The following PRKCG variants were observed in gnomAD, a reference collection of about 807,000 sequenced individuals.
PRKCG encodes protein kinase C gamma type.
Under a neutral mutation model 82.0 loss-of-function variants are expected in PRKCG, and 28 were observed. The ratio of observed to expected loss-of-function variants is 0.34; its 90% CI spans 0.25 to 0.47. The LOEUF (loss-of-function observed/expected upper bound fraction) is 0.47. Among genes scored for constraint, PRKCG ranks in the 20% least tolerant of loss-of-function variants. The pLI, the probability that PRKCG is intolerant of heterozygous loss-of-function variation, is 1.00. For missense variants in PRKCG, 640 were observed against 952.7 expected (o/e 0.67, Z 4.32); for synonymous variants, 383 against 376.6 (o/e 1.02, Z -0.20).
chr19:53,906,937 C>T lies in PRKCG; in HGVS notation c.*42C>T, dbSNP rs1378758473. 1 of 1,612,072 alleles carries T rather than the reference C, an allele frequency of 6.2e-7. No homozygotes were observed. The highest frequency in any genetic ancestry group is 2.2e-5 in the East Asian group (1 of 44,810). Reference sequence around the variant, plus strand: ...TAGGTGTCCCCAACGTCCCCTCCGCCGTGCCGGCGGCAGCCCCACTTCACC... The same window carrying T: ...TAGGTGTCCCCAACGTCCCCTCCGCTGTGCCGGCGGCAGCCCCACTTCACC... On this transcript the variant is annotated 3_prime_UTR_variant, in exon 18 of 18. Coordinates refer to ENST00000263431, the MANE Select transcript of PRKCG (RefSeq NM_002739.5).
At position 53,884,167 on chromosome 19, in the gene PRKCG, G is replaced by C; in HGVS notation, c.209G>C (p.Ser70Thr). The C allele has an allele frequency of 1.2e-6, 2 of 1,614,146 alleles. No individual in the cohort carries two copies. The highest frequency in any genetic ancestry group is 1.7e-6 in the Non-Finnish European group (2 of 1,180,036). ...GKQGLQCQVC[S>T]FVVHRRCHEF... Reference sequence around the variant, plus strand: ...CTATGATTTTCATCTATAGTCTGCAGCTTTGTGGTTCATCGACGATGCCAC... The same window carrying C: ...CTATGATTTTCATCTATAGTCTGCACCTTTGTGGTTCATCGACGATGCCAC... The change falls in exon 3 of 18, where the codon AGC (serine) becomes ACC (threonine). Residue 70 changes from serine (S) to threonine (T), a missense_variant. This residue lies in a region of PRKCG where 50 missense variants were observed against 146.5 expected (regional missense o/e 0.34). Coordinates refer to ENST00000263431, the MANE Select transcript of PRKCG (RefSeq NM_002739.5). The surrounding 1 kb of genome is among the most constrained non-coding windows in gnomAD (Gnocchi z 4.6).
upstream of PRKCG, chr19:53,881,782 C>G (rs1287759498): frequency 6.5e-6 from 1 of 152,928 alleles, no homozygotes; most frequent in Non-Finnish European, 1.5e-5. Flanking sequence ...AGGCAGAGAG[C>G]TACACAAATA....
chr19:53,904,747 G>T lies in PRKCG; in HGVS notation c.1764+5G>T. The T allele has an allele frequency of 6.2e-7, 1 of 1,608,608 alleles. No individual in the cohort carries two copies. Among genetic ancestry groups the T allele is most frequent in the Non-Finnish European group, 8.5e-7 (1 of 1,176,152 alleles). Reference sequence around the variant, plus strand: ...GCCGTGGCCATCTGCAAGGGGGTGAGAGCCCCCTGACTCCCAGCTTCTCCA... The same window carrying T: ...GCCGTGGCCATCTGCAAGGGGGTGATAGCCCCCTGACTCCCAGCTTCTCCA... On this transcript the variant is annotated splice_donor_5th_base_variant and intron_variant, in intron 16 of 17. Coordinates refer to ENST00000263431, the MANE Select transcript of PRKCG (RefSeq NM_002739.5).
chr19:53,897,877 G>C, intron 9 of PRKCG, 82 bp from the exon 10 acceptor site: 1 of 1,585,180 alleles, frequency 6.3e-7, no homozygotes, highest in Non-Finnish European at 8.6e-7. Flanking sequence ...TTCCTTTCTT[G>C]GGTGCTGTGT....
Position 53,882,453 on chromosome 19 carries a change from C to G in PRKCG, c.-42C>G, listed in dbSNP as rs2068599610. 6.3e-7 allele frequency: 1 copy of G among 1,592,120 alleles called. No homozygotes were observed. Reference sequence around the variant, plus strand: ...TCCTCTCCCTTCCACCTGTTTCCCCCAAGAAAGGCAGGATCCTGGTCCCTG... The same window carrying G: ...TCCTCTCCCTTCCACCTGTTTCCCCGAAGAAAGGCAGGATCCTGGTCCCTG... On this transcript the variant is annotated 5_prime_UTR_variant, in exon 1 of 18. Transcript: ENST00000263431. This position sits in a 1 kb window ranked among gnomAD's most constrained non-coding sequence, Gnocchi z 6.1.
chr19:53,900,513 A>G lies in PRKCG; in HGVS notation c.1436+32A>G, dbSNP rs749287461. The G allele has an allele frequency of 9.3e-6, 15 of 1,614,052 alleles. No homozygotes were observed. The highest frequency in any genetic ancestry group is 1.7e-5 in the Admixed American group (1 of 60,008). ...AGCCCCAGGAATTTCCGTGGAGGAA[A>G]TCACGCCCCTGGAAGGGAAGGGATT... On this transcript the variant is annotated intron_variant, in intron 13 of 17. Transcript: ENST00000263431. This position sits in a 1 kb window ranked among gnomAD's most constrained non-coding sequence, Gnocchi z 4.2.
intron 9 of PRKCG, among the ~76,000 whole-genome samples, chr19:53,895,356 G>A (rs1021310966): frequency 4.0e-5 from 6 of 151,786 alleles, no homozygotes; most frequent in African/African-American, 1.5e-4. Flanking sequence ...GGGCATGGTG[G>A]AGGCGCCTGT....
At chr19:53,899,347 A>G (rs1366087434) in intron 11 of PRKCG, among the ~76,000 whole-genome samples, 6 of 152,186 alleles carry the variant, frequency 3.9e-5, no homozygotes, top group African/African-American at 1.4e-4. Flanking sequence ...AAAGGGGCAC[A>G]GTGGAGGAGG....
rs769623822 is a variant in PRKCG at position 53,892,969 on chromosome 19, G to A, written c.822-19G>A. 4 of 1,612,186 alleles carry A rather than the reference G, an allele frequency of 2.5e-6. No individual in the cohort carries two copies. In the East Asian group the frequency reaches 8.9e-5, roughly 36 times the overall value. ...GCCCCATCCCCGCTGCCCGCCTCTG[G>A]TCTCCGTCTGTATGTCAGGTACAAG... On this transcript the variant is annotated intron_variant, in intron 7 of 17. Transcript: ENST00000263431. This position sits in a 1 kb window ranked among gnomAD's most constrained non-coding sequence, Gnocchi z 5.9.
rs1402658945 is a variant in PRKCG at position 53,884,850 on chromosome 19, TC to T, written c.285+610del. On this transcript the variant is annotated intron_variant, in intron 3 of 17. Coordinates refer to ENST00000263431, the MANE Select transcript of PRKCG (RefSeq NM_002739.5). This position sits in a 1 kb window ranked among gnomAD's most constrained non-coding sequence, Gnocchi z 4.6. ...GATGCTGAGAGGAGACCCAGGGAAG[TC>T]CCACAGTACACTTGCACACATGTGC... Among the ~76,000 whole-genome samples, 1 of 152,116 alleles carries T rather than the reference TC, an allele frequency of 6.6e-6. No homozygotes were observed. Among genetic ancestry groups the T allele is most frequent in the East Asian group, 1.9e-4 (1 of 5,192 alleles).
At chr19:53,901,849 CAAAAAAA>C (rs752402468) in intron 14 of PRKCG, among the ~76,000 whole-genome samples, 2 of 69,086 alleles carry the variant, frequency 2.9e-5, no homozygotes, top group South Asian at 5.3e-4. Context: ...GACCCTGTCT[CAAAAAAA>C]AAAAAAAAAA....
chr19:53,904,447 G>A (rs1009974492), intron 15 of PRKCG, among the ~76,000 whole-genome samples, 188 bp from the exon 16 acceptor site: 7 of 146,944 alleles, frequency 4.8e-5, no homozygotes, highest in Non-Finnish European at 8.9e-5. Flanking sequence ...TAGGAAATGA[G>A]AGAACCTGAG....
Position 53,906,958 on chromosome 19 carries a change from T to G in PRKCG, c.*63T>G. On this transcript the variant is annotated 3_prime_UTR_variant, in exon 18 of 18. Coordinates refer to ENST00000263431, the MANE Select transcript of PRKCG (RefSeq NM_002739.5). ...CCGCCGTGCCGGCGGCAGCCCCACTTCACCCCCAACTTCACCACCCCCTGT... is the reference window on the plus strand; with the variant it reads ...CCGCCGTGCCGGCGGCAGCCCCACTGCACCCCCAACTTCACCACCCCCTGT... 6.2e-7 allele frequency: 1 copy of G among 1,604,780 alleles called. No homozygotes were observed. Among genetic ancestry groups the G allele is most frequent in the Non-Finnish European group, 8.5e-7 (1 of 1,177,632 alleles).
chr19:53,904,507 G>A lies in PRKCG; in HGVS notation c.1657-128G>A, dbSNP rs965996300. 5 of 740,866 alleles carry A rather than the reference G, an allele frequency of 6.7e-6. No individual in the cohort carries two copies. The African/African-American group carries it at 7.0e-5, about 10-fold the overall frequency. 45.9% of individuals were successfully genotyped at this position (740,866 alleles called of 1,614,324 possible). A position where few individuals can be genotyped will look rare whatever the true frequency, so the allele number is the denominator to read the frequency against. On this transcript the variant is annotated intron_variant, in intron 15 of 17. Transcript: ENST00000263431. ...GTTTGGTCTGATCTCTCCTGAGGGT[G>A]TGGTCAGGTGTGCATGTGGGGCGTG...
chr19:53,888,152 C>T (rs969511984), intron 3 of PRKCG, among the ~76,000 whole-genome samples: 20 of 152,252 alleles, frequency 1.3e-4, no homozygotes, highest in African/African-American at 4.8e-4. Flanking sequence ...TTATTTAGTG[C>T]GGCAGGAACC....
intron 11 of PRKCG, among the ~76,000 whole-genome samples, chr19:53,899,303 GAGTGGCTGTAGCC>G (rs1370249285): frequency 6.6e-6 from 1 of 152,194 alleles, no homozygotes; most frequent in African/African-American, 2.4e-5. Flanking sequence ...GCTTGGTCTT[GAGTGGCTGTAGCC>G]AGTGCTCTGG....
chr19:53,891,346 G>A (rs931888551), intron 5 of PRKCG, among the ~76,000 whole-genome samples: 1 of 149,974 alleles, frequency 6.7e-6, no homozygotes, highest in Non-Finnish European at 1.5e-5. Context: ...GCGTAATCTC[G>A]GCTCACTGCA....
chr19:53,882,451 C>G lies in PRKCG; in HGVS notation c.-44C>G. ...GCTCCTCTCCCTTCCACCTGTTTCC[C>G]CCAAGAAAGGCAGGATCCTGGTCCC... On this transcript the variant is annotated 5_prime_UTR_variant, in exon 1 of 18. Coordinates refer to ENST00000263431, the MANE Select transcript of PRKCG (RefSeq NM_002739.5). The surrounding 1 kb of genome is among the most constrained non-coding windows in gnomAD (Gnocchi z 6.1). 6.3e-7 allele frequency: 1 copy of G among 1,591,868 alleles called. No individual in the cohort carries two copies. Among genetic ancestry groups the G allele is most frequent in the East Asian group, 2.2e-5 (1 of 44,454 alleles).
intron 16 of PRKCG, among the ~76,000 whole-genome samples, chr19:53,905,914 GTCTCTC>G (rs371309466): frequency 1.4e-4 from 18 of 126,512 alleles, no homozygotes; most frequent in African/African-American, 3.2e-4. Flanking sequence ...CCTTCTTCCT[GTCTCTC>G]TCTCTCTCTC....
Sources: gnomAD v4.1 joint callset for allele counts (sites outside exome capture counted in the v4.1 genomes callset) on GRCh38, gnomAD v4.1.1 for gene constraint, gnomAD v4.1.1 regional missense constraint, Gnocchi (gnomAD v3.1) non-coding constraint, MANE v1.5 for transcripts, NCBI Gene and HGNC (gene_info 2026-07-23, HGNC 2026-07-21) for gene names.